The following SHB variants were observed in gnomAD, a reference collection of about 807,000 sequenced individuals.
The protein encoded by SHB is SH2 domain-containing adapter protein B.
Under a neutral mutation model 52.3 loss-of-function variants are expected in SHB, and 20 were observed. The observed-to-expected ratio is 0.38, with a 90% CI of 0.27 to 0.56. The LOEUF (loss-of-function observed/expected upper bound fraction) is 0.56. Among genes scored for constraint, SHB ranks in the 20% least tolerant of loss-of-function variants. The probability of loss-of-function intolerance (pLI) is 0.71; values close to 1 mark genes in which losing one functional copy is unlikely to be tolerated. For synonymous variants in SHB, 397 were observed against 316.5 expected, an observed-to-expected ratio of 1.25 and a Z score of -2.70; for missense variants, 825 against 723.3, an observed-to-expected ratio of 1.14 and a Z score of -1.61.
intron 2 of SHB, among the ~76,000 whole-genome samples, chr9:37,979,468 G>A (rs1001732984): frequency 3.3e-5 from 5 of 152,120 alleles, no homozygotes; most frequent in African/African-American, 9.7e-5. Context: ...CGGCCATGGC[G>A]GGGTCTGCCC....
Position 37,916,732 on chromosome 9 carries a change from G to A in SHB, c.*3089C>T, listed in dbSNP as rs1171165402. ...GCCTGGGCCATTCTTCTGACTTCAG[G>A]ACGGGACTGGCAGGCGGTGGGGCCC... On this transcript the variant is annotated 3_prime_UTR_variant, in exon 6 of 6. Coordinates refer to ENST00000377707, the MANE Select transcript of SHB (RefSeq NM_003028.3). Among the ~76,000 whole-genome samples the A allele has an allele frequency of 2.0e-5, 3 of 152,176 alleles. No homozygotes were observed. The highest frequency in any genetic ancestry group is 2.9e-5 in the Non-Finnish European group (2 of 68,036).
intron 2 of SHB, among the ~76,000 whole-genome samples, chr9:38,011,462 C>T (rs569513517): frequency 6.6e-6 from 1 of 152,332 alleles, no homozygotes; most frequent in African/African-American, 2.4e-5. Context: ...AAGGAAGCTG[C>T]CAGCCCTACC....
At chr9:37,984,042 G>A (rs1820773374) in intron 2 of SHB, among the ~76,000 whole-genome samples, 1 of 152,254 alleles carries the variant, frequency 6.6e-6, no homozygotes, top group Admixed American at 6.5e-5. Context: ...TCTCTAGAGG[G>A]GAGAAAACGG....
At chr9:37,943,917 A>AT (rs1296985237) in intron 5 of SHB, among the ~76,000 whole-genome samples, 1 of 152,132 alleles carries the variant, frequency 6.6e-6, no homozygotes, top group East Asian at 1.9e-4. Flanking sequence ...TTTTAATGAG[A>AT]TTTTTTTCAA....
chr9:37,978,909 G>C (rs1820688374), intron 2 of SHB, among the ~76,000 whole-genome samples: 1 of 152,224 alleles, frequency 6.6e-6, no homozygotes, highest in Non-Finnish European at 1.5e-5. Flanking sequence ...ATTTTAAGCA[G>C]GCTGGGCTTC....
intron 4 of SHB, among the ~76,000 whole-genome samples, chr9:37,951,178 GT>G (rs1451078307): frequency 6.6e-6 from 1 of 152,222 alleles, no homozygotes. Context: ...CAGTGGGAAT[GT>G]GGCCAAGTGG....
At chr9:38,027,060 T>G (rs997528292) in intron 1 of SHB, among the ~76,000 whole-genome samples, 4 of 152,218 alleles carry the variant, frequency 2.6e-5, no homozygotes, top group African/African-American at 9.6e-5. Context: ...CTGCCCTGAA[T>G]TGCAGCTATG....
At chr9:38,057,786 T>A (rs532210082) in intron 1 of SHB, among the ~76,000 whole-genome samples, 1 of 152,240 alleles carries the variant, frequency 6.6e-6, no homozygotes, top group Non-Finnish European at 1.5e-5. Context: ...TTCCTCCTAG[T>A]TCTGTTTGCA....
At chr9:37,939,337 C>T (rs1832411179) in intron 5 of SHB, among the ~76,000 whole-genome samples, 1 of 152,256 alleles carries the variant, frequency 6.6e-6, no homozygotes, top group South Asian at 2.1e-4. Flanking sequence ...GGCTCAGCCT[C>T]TGCCCCTCCC....
At chr9:38,037,534 C>T (rs2118130047) in intron 1 of SHB, among the ~76,000 whole-genome samples, 1 of 152,378 alleles carries the variant, frequency 6.6e-6, no homozygotes, top group Non-Finnish European at 1.5e-5. Flanking sequence ...GAAATCCACA[C>T]TGTGTCACCT....
At position 37,959,219 on chromosome 9, in the gene SHB, C is replaced by CCCAGATTT. The variant is rs1167069488; in HGVS notation, c.1055-3173_1055-3166dup. Among the ~76,000 whole-genome samples the CCCAGATTT allele has an allele frequency of 9.2e-5, 14 of 152,166 alleles. No individual in the cohort carries two copies. The East Asian group carries it at 2.7e-3, about 30-fold the overall frequency. On this transcript the variant is annotated intron_variant, in intron 3 of 5. Coordinates refer to ENST00000377707, the MANE Select transcript of SHB (RefSeq NM_003028.3). ...AGTCCGGGATAACTGCTGTGTGATG[C>CCCAGATTT]CCAGATTTCTGGCTTGGGGGAGGGT...
chr9:37,978,499 T>C (rs904506456), intron 2 of SHB, among the ~76,000 whole-genome samples: 1 of 152,256 alleles, frequency 6.6e-6, no homozygotes, highest in Non-Finnish European at 1.5e-5. Flanking sequence ...CTGAAGATTA[T>C]GTAGCGACAT....
At chr9:38,052,327 C>G (rs76761066) in intron 1 of SHB, among the ~76,000 whole-genome samples, 4,648 of 152,296 alleles carry the variant, frequency 0.031, 98 homozygotes, top group Non-Finnish European at 0.047. Flanking sequence ...GCCTCCTCCG[C>G]CCAACTCTCC....
intron 1 of SHB, among the ~76,000 whole-genome samples, chr9:38,033,000 T>C (rs1446298914): frequency 6.6e-6 from 1 of 152,190 alleles, no homozygotes; most frequent in African/African-American, 2.4e-5. Context: ...TTTTCAAACA[T>C]GACTGTAAAG....
chr9:37,964,847 G>A (rs1050470470), intron 3 of SHB, among the ~76,000 whole-genome samples: 2 of 152,240 alleles, frequency 1.3e-5, no homozygotes, highest in African/African-American at 4.8e-5. Flanking sequence ...AGGTCATCCC[G>A]CCAACAAGTG....
intron 2 of SHB, among the ~76,000 whole-genome samples, chr9:38,010,585 G>A (rs1033820394): frequency 8.6e-5 from 13 of 152,010 alleles, no homozygotes; most frequent in African/African-American, 2.7e-4. Flanking sequence ...TCTCATCACC[G>A]CCACCTCCCA....
intron 2 of SHB, among the ~76,000 whole-genome samples, chr9:37,997,836 C>G (rs1188070685): frequency 6.6e-6 from 1 of 152,228 alleles, no homozygotes; most frequent in African/African-American, 2.4e-5. Context: ...AGGGCGACAG[C>G]AGCTTCTCAC....
At chr9:37,970,786 T>C (rs1820582597) in intron 3 of SHB, among the ~76,000 whole-genome samples, 3 of 151,950 alleles carry the variant, frequency 2.0e-5, no homozygotes, top group Admixed American at 1.3e-4. Context: ...CATTCAGTTC[T>C]AACCAAAATT....
At chr9:38,030,358 T>C (rs565801817) in intron 1 of SHB, among the ~76,000 whole-genome samples, 8 of 152,244 alleles carry the variant, frequency 5.3e-5, no homozygotes, top group African/African-American at 1.9e-4. Flanking sequence ...GCCCACCTCT[T>C]TCCTCCAGGT....
Sources: allele counts gnomAD v4.1 joint callset (sites outside exome capture counted in the v4.1 genomes callset), GRCh38; gene constraint gnomAD v4.1.1; transcripts MANE v1.5; gene names NCBI Gene and HGNC (gene_info 2026-07-23, HGNC 2026-07-21).